CDH23: variants seen among roughly 807,000 people sequenced by gnomAD.
CDH23 encodes cadherin related 23.
Under a neutral mutation model 317.1 loss-of-function variants are expected in CDH23, and 189 were observed. The observed-to-expected ratio is 0.60, with a 90% CI of 0.53 to 0.67. CDH23 has a LOEUF of 0.67. Among genes scored for constraint, CDH23 ranks in the 30% least tolerant of loss-of-function variants. The pLI is 0.00. For synonymous variants in CDH23, 1,839 were observed against 1,876.8 expected (o/e 0.98, Z 0.52); for missense variants, 4,401 against 4,592.4 (o/e 0.96, Z 1.20).
intron 22 of CDH23, among the ~76,000 whole-genome samples, chr10:71,697,802 A>G (rs1023041015): frequency 6.6e-6 from 1 of 152,160 alleles, no homozygotes; most frequent in Non-Finnish European, 1.5e-5. Flanking sequence ...CAAAACCCGC[A>G]GGGTCTGCCC....
At chr10:71,701,133 C>A (rs1258698239) in intron 22 of CDH23, among the ~76,000 whole-genome samples, 1 of 152,148 alleles carries the variant, frequency 6.6e-6, no homozygotes, top group Non-Finnish European at 1.5e-5. Flanking sequence ...TAAGGGGCCA[C>A]CTCAGGAGCC....
intron 6 of CDH23, among the ~76,000 whole-genome samples, chr10:71,559,349 T>G (rs558496967): frequency 1.3e-5 from 2 of 152,388 alleles, no homozygotes; most frequent in Admixed American, 6.5e-5. Context: ...TCTGCCATGT[T>G]TACCACAAAA....
chr10:71,440,046 T>A lies in CDH23; in HGVS notation c.67+148T>A, dbSNP rs555873942. 3.3e-5 allele frequency: 22 copies of A among 657,526 alleles called. 1 individual carries two copies. The highest frequency in any genetic ancestry group is 3.0e-4 in the South Asian group (16 of 52,778). 40.7% of individuals were successfully genotyped at this position (657,526 alleles called of 1,614,324 possible). A position where few individuals can be genotyped will look rare whatever the true frequency, so the allele number is the denominator to read the frequency against. On this transcript the variant is annotated intron_variant, in intron 2 of 69. Transcript: ENST00000224721. ...TGTGACTGAGGCACATACTTCCCTC[T>A]CTGGGCCTCAGTTGCCTTCTGCAGC...
intron 14 of CDH23, among the ~76,000 whole-genome samples, chr10:71,651,806 A>T (rs1021167685): frequency 2.0e-5 from 3 of 152,214 alleles, no homozygotes; most frequent in Non-Finnish European, 4.4e-5. Flanking sequence ...TGACGGTGGC[A>T]GGCGTTTGGG....
At chr10:71,712,921 GC>G in intron 28 of CDH23, 108 bp downstream of exon 28, 2 of 1,333,626 alleles carry the variant, frequency 1.5e-6, no homozygotes, top group Non-Finnish European at 2.1e-6. Context: ...GCAGGTGGGG[GC>G]CCAGGGTGGG....
At chr10:71,441,256 C>G (rs893726458) in intron 2 of CDH23, among the ~76,000 whole-genome samples, 12 of 152,164 alleles carry the variant, frequency 7.9e-5, no homozygotes, top group Admixed American at 7.2e-4. Context: ...CGCTCCCCCC[C>G]TGCCTCATGT....
At chr10:71,613,718 C>T (rs1240542134) in intron 9 of CDH23, among the ~76,000 whole-genome samples, 3 of 152,232 alleles carry the variant, frequency 2.0e-5, no homozygotes, top group Non-Finnish European at 4.4e-5. Flanking sequence ...TGAGCCTCTG[C>T]TACATGCAGA....
chr10:71,626,260 G>A (rs1861729202), intron 11 of CDH23, among the ~76,000 whole-genome samples: 1 of 152,196 alleles, frequency 6.6e-6, no homozygotes, highest in South Asian at 2.1e-4. Context: ...GGCACAAAAA[G>A]ATGAACACCC....
chr10:71,547,846 G>GCA (rs1856369098), intron 6 of CDH23, among the ~76,000 whole-genome samples: 1 of 152,222 alleles, frequency 6.6e-6, no homozygotes, highest in Admixed American at 6.5e-5. Flanking sequence ...TCAAGTGGAC[G>GCA]GTGGCTTGTT....
rs1157786977 is a variant in CDH23, at chr10:71,811,972, G to C, written c.9337G>C (p.Asp3113His). The C allele has an allele frequency of 4.4e-6, 7 of 1,608,634 alleles. 1 individual carries two copies. The South Asian group carries it at 4.4e-5, about 10-fold the overall frequency. The change falls in exon 66 of 70, where the codon GAC becomes CAC. Residue 3113 changes from aspartate to histidine, a missense_variant. Transcript: ENST00000224721. ...CCCTGCAGGGAATCGTGGCTTCATC[G>C]ACATCATGGACATGCCTAACACCAA... ...AGSAGNRGFIDIMDMPNTNKY... is the reference protein window; with the variant it reads ...AGSAGNRGFIHIMDMPNTNKY...
chr10:71,797,017 TG>T (rs1044960126), intron 48 of CDH23, 86 bp from the exon 49 acceptor site: 1 of 776,392 alleles, frequency 1.3e-6, no homozygotes, highest in African/African-American at 1.7e-5. Flanking sequence ...TTGTGGGGAT[TG>T]GGAGGGTTTG....
chr10:71,522,914 T>C (rs577042819), intron 6 of CDH23, among the ~76,000 whole-genome samples: 7 of 152,286 alleles, frequency 4.6e-5, no homozygotes, highest in African/African-American at 1.7e-4. Context: ...ATTGTCTTCA[T>C]GTTAGAGCTG....
At position 71,730,134 on chromosome 10, in the gene CDH23, G is replaced by A. The variant is rs1178830913; in HGVS notation, c.3580-335G>A. Reference sequence around the variant, plus strand: ...TTACAGGCGTGAGCCACCGCGCCCGGCCGAATTATTATCTTAATATTACCA... The same window carrying A: ...TTACAGGCGTGAGCCACCGCGCCCGACCGAATTATTATCTTAATATTACCA... On this transcript the variant is annotated intron_variant, in intron 30 of 69. Coordinates refer to ENST00000224721, the MANE Select transcript of CDH23 (RefSeq NM_022124.6). Among the ~76,000 whole-genome samples the A allele has an allele frequency of 3.9e-5, 6 of 152,178 alleles. No homozygotes were observed. In the East Asian group the frequency reaches 7.7e-4, roughly 20 times the overall value.
intron 6 of CDH23, among the ~76,000 whole-genome samples, chr10:71,539,143 G>A (rs1855857527): frequency 6.6e-6 from 1 of 152,204 alleles, no homozygotes; most frequent in African/African-American, 2.4e-5. Context: ...TGGGACAGGT[G>A]TGTGACAGTG....
At chr10:71,483,278 A>G (rs1430120809) in intron 3 of CDH23, among the ~76,000 whole-genome samples, 1 of 152,178 alleles carries the variant, frequency 6.6e-6, no homozygotes, top group African/African-American at 2.4e-5. Flanking sequence ...CCTATCCAGC[A>G]TGGGACACCC....
intron 38 of CDH23, among the ~76,000 whole-genome samples, chr10:71,753,354 A>G (rs1840055917): frequency 6.6e-6 from 1 of 152,218 alleles, no homozygotes; most frequent in African/African-American, 2.4e-5. Flanking sequence ...TTAAGTATCG[A>G]GCAAAGGTCA....
intron 32 of CDH23, among the ~76,000 whole-genome samples, chr10:71,734,003 G>A (rs571539135): frequency 9.8e-5 from 15 of 152,356 alleles, no homozygotes; most frequent in Non-Finnish European, 2.2e-4. Context: ...ACAACAGAGG[G>A]GTAGTGGAGC....
intron 20 of CDH23, among the ~76,000 whole-genome samples, chr10:71,691,077 C>CT (rs1335276247): frequency 6.6e-6 from 1 of 152,130 alleles, no homozygotes; most frequent in East Asian, 1.9e-4. Context: ...ACGAAAAGTG[C>CT]TAAAAAAAAT....
chr10:71,533,916 A>AT (rs1855558068), intron 6 of CDH23, among the ~76,000 whole-genome samples: 1 of 132,198 alleles, frequency 7.6e-6, no homozygotes, highest in South Asian at 2.3e-4. Context: ...TCCCAGCATT[A>AT]TTTTTTCCTG....
Sources: gnomAD v4.1 joint callset for allele counts (sites outside exome capture counted in the v4.1 genomes callset) on GRCh38, gnomAD v4.1.1 for gene constraint, MANE v1.5 for transcripts, NCBI Gene and HGNC (gene_info 2026-07-23, HGNC 2026-07-21) for gene names.